Variants in HPSE2 observed in about 807,000 individuals in gnomAD.
HPSE2 encodes the protein heparanase 2 (inactive).
A neutral mutation model predicts 60.5 loss-of-function variants in HPSE2; 38 were observed. The ratio of observed to expected loss-of-function variants is 0.63; its 90% CI spans 0.48 to 0.82. HPSE2 has a LOEUF of 0.82. HPSE2 is among the 40% of genes least tolerant of loss of function. The pLI, the probability that HPSE2 is intolerant of heterozygous loss-of-function variation, is 0.00. For missense variants in HPSE2, 713 were observed against 740.4 expected (o/e 0.96, Z 0.43); for synonymous variants, 295 against 293.2 (o/e 1.01, Z -0.06).
At chr10:99,135,633 A>C (rs1272948603) in intron 3 of HPSE2, among the ~76,000 whole-genome samples, 8 of 152,220 alleles carry the variant, frequency 5.3e-5, no homozygotes, top group Admixed American at 5.2e-4. Flanking sequence ...GCAGAAGTAA[A>C]GACATTCTTT....
chr10:99,087,299 T>C lies in HPSE2; in HGVS notation c.610+56939A>G, dbSNP rs150819775. 3.2e-3 allele frequency among the ~76,000 whole-genome samples: 492 copies of C among 152,324 alleles called. 2 individuals carry two copies. The highest frequency in any genetic ancestry group is 5.0e-3 in the Admixed American group (76 of 15,306). On this transcript the variant is annotated intron_variant, in intron 3 of 11. Coordinates refer to ENST00000370552, the MANE Select transcript of HPSE2 (RefSeq NM_021828.5). ...TGACATTACCACAGAAAAACTTCCC[T>C]TTCATGGTTAGTAGCTTGTCGCTCT... is the stretch of plus-strand genomic sequence containing the variant.
chr10:99,194,304 T>C (rs1018542923), intron 2 of HPSE2, among the ~76,000 whole-genome samples: 3 of 151,546 alleles, frequency 2.0e-5, no homozygotes, highest in Admixed American at 2.0e-4. Flanking sequence ...TAGCAATAAA[T>C]ACCTACATCA....
At chr10:98,882,807 C>G (rs370822585) in intron 3 of HPSE2, among the ~76,000 whole-genome samples, 14 of 152,008 alleles carry the variant, frequency 9.2e-5, no homozygotes, top group Non-Finnish European at 1.2e-4. Context: ...GTGCTCTACA[C>G]GAATTATTTA....
intron 3 of HPSE2, among the ~76,000 whole-genome samples, chr10:98,768,506 G>C (rs1950173705): frequency 6.6e-6 from 1 of 152,150 alleles, no homozygotes; most frequent in African/African-American, 2.4e-5. Context: ...CACAATTTCA[G>C]ATTCTAAATT....
At chr10:98,466,958 C>G (rs1940561264) in intron 11 of HPSE2, among the ~76,000 whole-genome samples, 1 of 152,234 alleles carries the variant, frequency 6.6e-6, no homozygotes, top group Non-Finnish European at 1.5e-5. Flanking sequence ...GAGGCTCACT[C>G]TAGCTCCCGC....
At chr10:98,867,514 G>T (rs1211734837) in intron 3 of HPSE2, among the ~76,000 whole-genome samples, 2 of 152,140 alleles carry the variant, frequency 1.3e-5, no homozygotes, top group African/African-American at 4.8e-5. Context: ...TGACGAGCAT[G>T]TAGAGAAAAG....
intron 7 of HPSE2, among the ~76,000 whole-genome samples, chr10:98,623,260 C>T (rs1017309228): frequency 2.6e-5 from 4 of 151,954 alleles, no homozygotes; most frequent in East Asian, 1.9e-4. Flanking sequence ...ATGAAATGTT[C>T]GGAATAGGCA....
upstream of HPSE2, among the ~76,000 whole-genome samples, chr10:99,239,333 A>G (rs1034504401): frequency 6.6e-6 from 1 of 151,152 alleles, no homozygotes; most frequent in Admixed American, 6.6e-5. Flanking sequence ...AAACGTGAAG[A>G]TTAACTGATT....
chr10:98,959,596 T>C (rs1435409785), intron 3 of HPSE2, among the ~76,000 whole-genome samples: 1 of 152,170 alleles, frequency 6.6e-6, no homozygotes, highest in Non-Finnish European at 1.5e-5. Context: ...GCTGTATTTC[T>C]GAAGCTGATA....
chr10:98,867,677 A>G (rs1330961003), intron 3 of HPSE2, among the ~76,000 whole-genome samples: 1 of 152,232 alleles, frequency 6.6e-6, no homozygotes, highest in Non-Finnish European at 1.5e-5. Flanking sequence ...AGTATATCAA[A>G]GAGTTATCTG....
chr10:98,831,675 G>A (rs959101122), intron 3 of HPSE2, among the ~76,000 whole-genome samples: 1 of 152,174 alleles, frequency 6.6e-6, no homozygotes, highest in Non-Finnish European at 1.5e-5. Context: ...ATCAGCTAGA[G>A]TACCTGCTAA....
chr10:99,154,602 G>A (rs1846446803), intron 2 of HPSE2, among the ~76,000 whole-genome samples: 1 of 151,648 alleles, frequency 6.6e-6, no homozygotes, highest in Admixed American at 6.6e-5. Context: ...CCTGAAGGAA[G>A]CGCTAAACAT....
At chr10:98,975,244 G>C (rs1416518966) in intron 3 of HPSE2, among the ~76,000 whole-genome samples, 1 of 152,148 alleles carries the variant, frequency 6.6e-6, no homozygotes, top group South Asian at 2.1e-4. Flanking sequence ...TGTGCACTCT[G>C]TTGGATGTCT....
intron 2 of HPSE2, among the ~76,000 whole-genome samples, chr10:99,202,292 A>C (rs770108888): frequency 1.3e-5 from 2 of 152,196 alleles, no homozygotes; most frequent in Non-Finnish European, 2.9e-5. Flanking sequence ...GAGGATCGTT[A>C]GCCCCTATTT....
intron 3 of HPSE2, among the ~76,000 whole-genome samples, chr10:98,915,949 T>C (rs1196250182): frequency 6.6e-6 from 1 of 152,182 alleles, no homozygotes; most frequent in Non-Finnish European, 1.5e-5. Flanking sequence ...ACACAAACTT[T>C]GTATGACTTT....
At position 99,109,370 on chromosome 10, in the gene HPSE2, CT is replaced by C. The variant is rs548290166; in HGVS notation, c.610+34867del. Among the ~76,000 whole-genome samples, 11 of 151,916 alleles carry C rather than the reference CT, an allele frequency of 7.2e-5. No homozygotes were observed. The South Asian group carries it at 1.3e-3, about 17-fold the overall frequency. On this transcript the variant is annotated intron_variant, in intron 3 of 11. Transcript: ENST00000370552. ...AATTAAATTTTATTTAATTTGGAAA[CT>C]TTTTTATCTGGTTAACTTTTTATGA... is the stretch of plus-strand genomic sequence containing the variant.
At chr10:98,599,498 C>T (rs781223771) in intron 9 of HPSE2, among the ~76,000 whole-genome samples, 18 of 152,072 alleles carry the variant, frequency 1.2e-4, no homozygotes, top group South Asian at 2.1e-4. Context: ...TGGTGCAGGG[C>T]GGGTTTGGAG....
chr10:98,527,277 T>A (rs965630871), intron 9 of HPSE2, among the ~76,000 whole-genome samples: 1 of 152,190 alleles, frequency 6.6e-6, no homozygotes, highest in Admixed American at 6.5e-5. Flanking sequence ...AATCCAATTA[T>A]ATCAGTTCCT....
At chr10:98,546,111 T>G (rs1212808794) in intron 9 of HPSE2, among the ~76,000 whole-genome samples, 2 of 133,580 alleles carry the variant, frequency 1.5e-5, no homozygotes, top group African/African-American at 5.1e-5. Flanking sequence ...GTGAAGGACC[T>G]CTTCAAGGAG....
Sources: allele counts gnomAD v4.1 joint callset (sites outside exome capture counted in the v4.1 genomes callset), GRCh38; gene constraint gnomAD v4.1.1; transcripts MANE v1.5; gene names NCBI Gene and HGNC (gene_info 2026-07-23, HGNC 2026-07-21).